TRPM7: variants seen among roughly 807,000 people sequenced by gnomAD.
TRPM7 encodes the protein transient receptor potential cation channel subfamily M member 7.
TRPM7 carries 134 observed loss-of-function variants against 229.7 expected under a neutral mutation model. That is an observed-to-expected ratio of 0.58 (90% CI 0.51 to 0.67). The LOEUF (loss-of-function observed/expected upper bound fraction) is 0.67. TRPM7 is among the 30% of genes least tolerant of loss of function. The pLI is 0.00. For synonymous variants in TRPM7, 699 were observed against 715.2 expected (o/e 0.98, Z 0.36); for missense variants, 1,901 against 2,210.0 (o/e 0.86, Z 2.80).
rs1177119478 is a variant in TRPM7, at chr15:50,686,726, G to T, written c.-193C>A. ...GAAGCCGAGTCTTTCATAATTGTGC[G>T]ACCAACTCCTCCGGGTGACTGGCCA... On this transcript the variant is annotated 5_prime_UTR_variant, in exon 1 of 39. Transcript: ENST00000646667. 2 of 684,338 alleles carry T rather than the reference G, an allele frequency of 2.9e-6. No individual in the cohort carries two copies. Among genetic ancestry groups the T allele is most frequent in the Non-Finnish European group, 2.3e-6 (1 of 434,648 alleles). The allele number at this position is 684,338 out of a possible 1,614,324, so 42.4% of individuals were successfully genotyped here.
At chr15:50,617,349 A>C (rs190858939) in intron 13 of TRPM7, among the ~76,000 whole-genome samples, 1 of 144,776 alleles carries the variant, frequency 6.9e-6, no homozygotes, top group East Asian at 2.0e-4. Context: ...AAAAAAAAAA[A>C]CAAATCAGTC....
chr15:50,617,176 AAATAAAATAAATT>A (rs1473866311), intron 13 of TRPM7, among the ~76,000 whole-genome samples: 6 of 134,932 alleles, frequency 4.4e-5, no homozygotes, highest in African/African-American at 1.7e-4. Flanking sequence ...ATAAATAAAT[AAATAAAATAAATT>A]AGCCAGGCAT....
intron 38 of TRPM7, among the ~76,000 whole-genome samples, chr15:50,567,645 A>G (rs2053661978): frequency 6.6e-6 from 1 of 152,138 alleles, no homozygotes; most frequent in Non-Finnish European, 1.5e-5. Flanking sequence ...TTGTCCTAGG[A>G]ATGCAATACT....
intron 12 of TRPM7, among the ~76,000 whole-genome samples, chr15:50,623,396 G>A (rs983881378): frequency 2.7e-5 from 4 of 147,506 alleles, no homozygotes; most frequent in Non-Finnish European, 4.5e-5. Context: ...TGGTGACAGA[G>A]CGAGATTCTG....
At chr15:50,681,754 G>A (rs1251328576) in intron 1 of TRPM7, among the ~76,000 whole-genome samples, 1 of 152,160 alleles carries the variant, frequency 6.6e-6, no homozygotes, top group East Asian at 1.9e-4. Context: ...TAGTTAAGGT[G>A]TTATGTTATT....
intron 14 of TRPM7, 121 bp downstream of exon 14, chr15:50,614,002 T>C (rs1488935041): frequency 4.4e-6 from 6 of 1,349,754 alleles, no homozygotes; most frequent in Middle Eastern, 2.5e-4. Context: ...TTGCTCTTAG[T>C]TGAAAATGTT....
At chr15:50,653,378 G>A (rs932180535) in intron 3 of TRPM7, among the ~76,000 whole-genome samples, 2 of 152,178 alleles carry the variant, frequency 1.3e-5, no homozygotes, top group Non-Finnish European at 2.9e-5. Flanking sequence ...TTCCTCAACA[G>A]ATAACATAAT....
At chr15:50,607,112 C>CACA (rs1566995531) in intron 20 of TRPM7, 88 bp downstream of exon 20, 3 of 1,114,772 alleles carry the variant, frequency 2.7e-6, no homozygotes, top group Non-Finnish European at 3.8e-6. Context: ...ACACACACAC[C>CACA]CCCCTACGTA....
rs774545673 is a variant in TRPM7 at position 50,561,755 on chromosome 15, G to T, written c.5521C>A (p.Pro1841Thr). 2 of 1,612,464 alleles carry T rather than the reference G, an allele frequency of 1.2e-6. No individual in the cohort carries two copies. The highest frequency in any genetic ancestry group is 2.7e-5 in the African/African-American group (2 of 74,592). Residue 1841 changes from proline to threonine, a missense_variant, in exon 39 of 39, where the codon CCT becomes ACT. Physicochemically the swap from Pro to Thr is conservative, Grantham distance 38. Transcript: ENST00000646667. ...CCAGGCTGAAGATTCAAATCTGAAG[G>T]CTCATCCTGAGGAAATATAATTTTA... ...PDKIIFPQDE[P>T]SDLNLQPGNS...
At chr15:50,613,013 A>G (rs1427927424) in intron 15 of TRPM7, among the ~76,000 whole-genome samples, 184 bp from the exon 16 acceptor site, 1 of 152,206 alleles carries the variant, frequency 6.6e-6, no homozygotes, top group Non-Finnish European at 1.5e-5. Context: ...CTGTTTCAAC[A>G]AAAATGCCTT....
At chr15:50,640,585 CCATT>C (rs948670164) in intron 5 of TRPM7, among the ~76,000 whole-genome samples, 13 of 151,910 alleles carry the variant, frequency 8.6e-5, no homozygotes, top group Admixed American at 4.6e-4. Flanking sequence ...CATGCCTGGC[CCATT>C]ATTACTTCTT....
At chr15:50,566,887 T>C (rs2053622495) in intron 38 of TRPM7, among the ~76,000 whole-genome samples, 1 of 151,966 alleles carries the variant, frequency 6.6e-6, no homozygotes, top group Admixed American at 6.6e-5. Flanking sequence ...AAGGTATCAA[T>C]AAAATTGATA....
At chr15:50,656,870 A>G (rs1003886764) in intron 3 of TRPM7, among the ~76,000 whole-genome samples, 9 of 152,034 alleles carry the variant, frequency 5.9e-5, no homozygotes, top group African/African-American at 2.2e-4. Context: ...ACCAAATCCT[A>G]TTGCATTTAT....
At chr15:50,650,523 T>G (rs2061393771) in intron 3 of TRPM7, among the ~76,000 whole-genome samples, 1 of 151,920 alleles carries the variant, frequency 6.6e-6, no homozygotes, top group African/African-American at 2.4e-5. Context: ...GGTGAAACTC[T>G]GTCTCTCCTA....
intron 1 of TRPM7, among the ~76,000 whole-genome samples, chr15:50,663,887 G>A (rs1000720578): frequency 1.3e-5 from 2 of 151,798 alleles, no homozygotes; most frequent in African/African-American, 2.4e-5. Context: ...CGCCTAAGCC[G>A]AGGAGGCTGA....
At chr15:50,646,137 G>A (rs12906675) in intron 4 of TRPM7, among the ~76,000 whole-genome samples, 12,021 of 151,814 alleles carry the variant, frequency 0.079, 577 homozygotes, top group South Asian at 0.12. Flanking sequence ...GACATTAGCA[G>A]GGTACAAAGG....
At chr15:50,655,967 C>T (rs2061554814) in intron 3 of TRPM7, among the ~76,000 whole-genome samples, 1 of 150,618 alleles carries the variant, frequency 6.6e-6, no homozygotes, top group Admixed American at 6.7e-5. Context: ...GCCATCTAGC[C>T]TGGGCAACAG....
rs8042919 is a variant in TRPM7, at chr15:50,586,433, G to A, written c.4445C>T (p.Thr1482Ile). The change falls in exon 28 of 39, where the codon ACT becomes ATT. Residue 1482 changes from threonine (T) to isoleucine (I), a missense_variant. Around this residue, in one of 8 missense-constraint regions of TRPM7, gnomAD observed 533 missense variants for 497.1 expected, o/e 1.07. Transcript: ENST00000646667. ...LKRVSSLAGFTDCHRTSIPVH... is the reference protein window; with the variant it reads ...LKRVSSLAGFIDCHRTSIPVH... ...AGGAATGGAAGTTCTGTGACAGTCAGTAAATCCAGCAAGAGAACTCACTCG... is the reference window on the plus strand; with the variant it reads ...AGGAATGGAAGTTCTGTGACAGTCAATAAATCCAGCAAGAGAACTCACTCG... 159,180 of 1,611,142 alleles carry A rather than the reference G, an allele frequency of 0.099. 8,758 individuals carry two copies. The highest frequency in any genetic ancestry group is 0.13 in the East Asian group (5,982 of 44,774).
chr15:50,572,167 C>A (rs2053922145), intron 36 of TRPM7, among the ~76,000 whole-genome samples: 1 of 152,164 alleles, frequency 6.6e-6, no homozygotes, highest in Non-Finnish European at 1.5e-5. Flanking sequence ...AGCCTGTAGT[C>A]CCAGCTATGC....
Sources: gnomAD v4.1 joint callset for allele counts (sites outside exome capture counted in the v4.1 genomes callset) on GRCh38, gnomAD v4.1.1 for gene constraint, gnomAD v4.1.1 regional missense constraint, MANE v1.5 for transcripts, NCBI Gene and HGNC (gene_info 2026-07-23, HGNC 2026-07-21) for gene names.